The following EPB41L1 variants were observed in gnomAD, a reference collection of about 807,000 sequenced individuals.
EPB41L1 encodes the protein band 4.1-like protein 1.
In EPB41L1, 29 loss-of-function variants were observed where a neutral mutation model predicts 97.8. That is an observed-to-expected ratio of 0.30 (90% CI 0.22 to 0.40). The LOEUF (loss-of-function observed/expected upper bound fraction) is 0.40, where lower values mean the gene tolerates loss of function less well. EPB41L1 is among the 10% of genes least tolerant of loss of function. The pLI is 1.00. For synonymous variants in EPB41L1, 383 were observed against 459.2 expected, an observed-to-expected ratio of 0.83 and a Z score of 2.12; for missense variants, 812 against 1,162.3, an observed-to-expected ratio of 0.70 and a Z score of 4.38.
At position 36,209,775 on chromosome 20, in the gene EPB41L1, T is replaced by G; in HGVS notation, c.1956T>G (p.Thr652=). 6.2e-7 allele frequency: 1 copy of G among 1,614,040 alleles called. No individual in the cohort carries two copies. The highest frequency in any genetic ancestry group is 8.5e-7 in the Non-Finnish European group (1 of 1,180,036). The change falls in exon 15 of 22, where the codon ACT becomes ACG. Residue 652 remains threonine (T), a synonymous_variant. Transcript: ENST00000338074. The surrounding 1 kb of genome is among the most constrained non-coding windows in gnomAD (Gnocchi z 4.2). The stretch of plus-strand genomic sequence containing the variant: ...ACCGGGACAAAAGCGACTCGGACAC[T>G]GAGGGCCTGCTGTTCTCCCGGGATC... ...ELDRDKSDSD[T]EGLLFSRDLN...
chr20:36,139,011 C>T (rs2059532375), intron 2 of EPB41L1, among the ~76,000 whole-genome samples: 1 of 152,184 alleles, frequency 6.6e-6, no homozygotes. Flanking sequence ...CTGTAATTTG[C>T]TTTCTAATCA....
At chr20:36,174,870 A>G (rs779005687) in intron 2 of EPB41L1, among the ~76,000 whole-genome samples, 12 of 152,192 alleles carry the variant, frequency 7.9e-5, no homozygotes, top group Non-Finnish European at 1.5e-4. Context: ...ACAAATCTAG[A>G]TCTGATTTTG....
chr20:36,170,601 C>T lies in EPB41L1; in HGVS notation c.-14-3163C>T, dbSNP rs1350167714. On this transcript the variant is annotated intron_variant, in intron 1 of 21. Coordinates refer to ENST00000338074, the MANE Select transcript of EPB41L1 (RefSeq NM_012156.2). ...CCACGTCCTTGGTGTCTAGCGTGAA[C>T]CTGAGTACTTTCTCCTTTGGGGGGT... Among the ~76,000 whole-genome samples the T allele has an allele frequency of 4.6e-5, 7 of 152,136 alleles. No homozygotes were observed. In the East Asian group the frequency reaches 1.3e-3, roughly 29 times the overall value.
At chr20:36,202,385 C>T (rs989997126) in intron 14 of EPB41L1, among the ~76,000 whole-genome samples, 1 of 152,212 alleles carries the variant, frequency 6.6e-6, no homozygotes, top group African/African-American at 2.4e-5. Flanking sequence ...TCCTCCAGGC[C>T]AGCCCTTCGG....
Position 36,195,241 on chromosome 20 carries a change from C to T in EPB41L1, c.1450-88C>T, listed in dbSNP as rs1487200927. On this transcript the variant is annotated intron_variant, in intron 12 of 21. Transcript: ENST00000338074. The surrounding 1 kb of genome is among the most constrained non-coding windows in gnomAD (Gnocchi z 4.6). ...GGTCGAGTGTGCGTGCTCTGGGCTC[C>T]TTGCTGGACCAAGCCCATCGTGGTA... 2 of 1,558,558 alleles carry T rather than the reference C, an allele frequency of 1.3e-6. No homozygotes were observed. Among genetic ancestry groups the T allele is most frequent in the East Asian group, 2.3e-5 (1 of 44,208 alleles).
intron 2 of EPB41L1, among the ~76,000 whole-genome samples, chr20:36,143,137 T>TG (rs2059704398): frequency 7.7e-6 from 1 of 130,710 alleles, no homozygotes; most frequent in Admixed American, 7.7e-5. Flanking sequence ...GAGGGTGTGT[T>TG]TGTGTGTGTG....
rs2146867315 is a variant in EPB41L1 at position 36,212,480 on chromosome 20, G to T, written c.2184+104G>T. The T allele has an allele frequency of 1.1e-6, 1 of 937,266 alleles. No homozygotes were observed. The highest frequency in any genetic ancestry group is 1.7e-6 in the Non-Finnish European group (1 of 589,718). 58.1% of individuals were successfully genotyped at this position (937,266 alleles called of 1,614,324 possible). On this transcript the variant is annotated intron_variant, in intron 16 of 21. Transcript: ENST00000338074. The surrounding 1 kb of genome is among the most constrained non-coding windows in gnomAD (Gnocchi z 4.8). ...CCCTTGGCCAGCTCTTTTAATCTCA[G>T]CTTCCCTGGAACCCATATGTTAATC... is the stretch of plus-strand genomic sequence containing the variant.
chr20:36,203,293 C>G (rs969061735), intron 14 of EPB41L1, among the ~76,000 whole-genome samples: 2 of 152,256 alleles, frequency 1.3e-5, no homozygotes, highest in African/African-American at 4.8e-5. Flanking sequence ...GGCCTCTCCC[C>G]TCTGGGATAC....
chr20:36,149,417 G>A (rs1395246982), intron 2 of EPB41L1, among the ~76,000 whole-genome samples: 1 of 152,224 alleles, frequency 6.6e-6, no homozygotes. Context: ...CCCACGGTCT[G>A]GGCTGGATGG....
At chr20:36,114,086 T>C (rs998417519) in intron 2 of EPB41L1, among the ~76,000 whole-genome samples, 1 of 152,206 alleles carries the variant, frequency 6.6e-6, no homozygotes, top group African/African-American at 2.4e-5. Context: ...AAGTTCTTGC[T>C]CTACAGTAAT....
chr20:36,212,189 G>T lies in EPB41L1; in HGVS notation c.2080-83G>T, dbSNP rs2063172441. On this transcript the variant is annotated intron_variant, in intron 15 of 21. Transcript: ENST00000338074. This position sits in a 1 kb window ranked among gnomAD's most constrained non-coding sequence, Gnocchi z 4.8. ...CAGCTGTGGGGATAGGAGATAGCCT[G>T]CAGACACCACACTGCAATTGTCTGT... The T allele has an allele frequency of 1.4e-5, 18 of 1,318,652 alleles. No individual in the cohort carries two copies. Among genetic ancestry groups the T allele is most frequent in the Non-Finnish European group, 2.2e-6 (2 of 914,020 alleles). The allele number at this position is 1,318,652 out of a possible 1,614,324, so 81.7% of individuals were successfully genotyped here. A position where few individuals can be genotyped will look rare whatever the true frequency, so the allele number is the denominator to read the frequency against.
At position 36,195,437 on chromosome 20, in the gene EPB41L1, C is replaced by T. The variant is rs1010774137; in HGVS notation, c.1485+73C>T. Reference sequence around the variant, plus strand: ...GCTCATTTGTCACCATCCCACAGTCCATCCCAGGCTCACTTCCCTGGCACC... The same window carrying T: ...GCTCATTTGTCACCATCCCACAGTCTATCCCAGGCTCACTTCCCTGGCACC... On this transcript the variant is annotated intron_variant, in intron 13 of 21. Coordinates refer to ENST00000338074, the MANE Select transcript of EPB41L1 (RefSeq NM_012156.2). This position sits in a 1 kb window ranked among gnomAD's most constrained non-coding sequence, Gnocchi z 4.6. The T allele has an allele frequency of 3.2e-6, 5 of 1,555,064 alleles. No homozygotes were observed. The highest frequency in any genetic ancestry group is 1.7e-5 in the Admixed American group (1 of 59,790).
Position 36,188,226 on chromosome 20 carries a change from C to G in EPB41L1, c.874-121C>G, listed in dbSNP as rs997041695. The G allele has an allele frequency of 3.7e-6, 5 of 1,366,416 alleles. No individual in the cohort carries two copies. In the Admixed American group the frequency reaches 8.4e-5, roughly 23 times the overall value. The allele number at this position is 1,366,416 out of a possible 1,614,324, so 84.6% of individuals were successfully genotyped here. A position where few individuals can be genotyped will look rare whatever the true frequency, so the allele number is the denominator to read the frequency against. On this transcript the variant is annotated intron_variant, in intron 8 of 21. Transcript: ENST00000338074. Reference sequence around the variant, plus strand: ...TCAGTGGGACTCCAGCATGGAGGCTCTAACCCTGTTCCTGAGAGCTCGTTA... The same window carrying G: ...TCAGTGGGACTCCAGCATGGAGGCTGTAACCCTGTTCCTGAGAGCTCGTTA...
In EPB41L1 at chr20:36,206,627, G is replaced by A. The variant is rs1488842195; in HGVS notation, c.1669-2861G>A. On this transcript the variant is annotated intron_variant, in intron 14 of 21. Transcript: ENST00000338074. The surrounding 1 kb of genome is among the most constrained non-coding windows in gnomAD (Gnocchi z 5.5). ...GTTTCTGCTGCTGCTTCCAGCAGGA[G>A]CAAGGACGAAGCCCACATGACTTCC... 7.8e-7 allele frequency: 1 copy of A among 1,289,868 alleles called. No homozygotes were observed. Among genetic ancestry groups the A allele is most frequent in the African/African-American group, 1.5e-5 (1 of 66,002 alleles). 79.9% of individuals were successfully genotyped at this position (1,289,868 alleles called of 1,614,324 possible).
At position 36,195,213 on chromosome 20, in the gene EPB41L1, C is replaced by G; in HGVS notation, c.1450-116C>G. On this transcript the variant is annotated intron_variant, in intron 12 of 21. Coordinates refer to ENST00000338074, the MANE Select transcript of EPB41L1 (RefSeq NM_012156.2). The surrounding 1 kb of genome is among the most constrained non-coding windows in gnomAD (Gnocchi z 4.6). ...GCCCACCCAGCTGCCCTGGCCTCCA[C>G]TTGGTCGAGTGTGCGTGCTCTGGGC... 7.7e-7 allele frequency: 1 copy of G among 1,296,194 alleles called. No individual in the cohort carries two copies. Among genetic ancestry groups the G allele is most frequent in the Non-Finnish European group, 1.1e-6 (1 of 904,254 alleles). 80.3% of individuals were successfully genotyped at this position (1,296,194 alleles called of 1,614,324 possible). A position where few individuals can be genotyped will look rare whatever the true frequency, so the allele number is the denominator to read the frequency against.
chr20:36,141,669 A>G (rs892395758), intron 2 of EPB41L1, among the ~76,000 whole-genome samples: 20 of 152,280 alleles, frequency 1.3e-4, no homozygotes, highest in African/African-American at 4.8e-4. Context: ...ATGTTTACAC[A>G]TATATACCAG....
intron 2 of EPB41L1, among the ~76,000 whole-genome samples, chr20:36,140,464 G>A (rs1734420332): frequency 6.6e-6 from 1 of 152,124 alleles, no homozygotes; most frequent in African/African-American, 2.4e-5. Context: ...GGTATCTTCA[G>A]GCAAGCTGAG....
In EPB41L1 at chr20:36,119,960, T is replaced by C. The variant is rs372363954; in HGVS notation, c.-10+7480T>C. Among the ~76,000 whole-genome samples the C allele has an allele frequency of 1.1e-4, 16 of 152,254 alleles. No individual in the cohort carries two copies. The East Asian group carries it at 2.9e-3, about 28-fold the overall frequency. On this transcript the variant is annotated intron_variant, in intron 2 of 19. Transcript: ENST00000202028. ...CACGGTGAGCCTGATAGAGGTGAACTTGAGCCCAGGGGTCCTCTCTCCCAG... is the reference window on the plus strand; with the variant it reads ...CACGGTGAGCCTGATAGAGGTGAACCTGAGCCCAGGGGTCCTCTCTCCCAG...
chr20:36,188,639 CACAG>C (rs1169478447), intron 9 of EPB41L1, 140 bp downstream of exon 9: 484 of 410,418 alleles, frequency 1.2e-3, no homozygotes, highest in Middle Eastern at 2.4e-3. Flanking sequence ...CACACACACA[CACAG>C]AGAGAGAGAG....
Sources: gnomAD v4.1 joint callset for allele counts (sites outside exome capture counted in the v4.1 genomes callset) on GRCh38, gnomAD v4.1.1 for gene constraint, Gnocchi (gnomAD v3.1) non-coding constraint, MANE v1.5 for transcripts, NCBI Gene and HGNC (gene_info 2026-07-23, HGNC 2026-07-21) for gene names.